The following SHISA9 variants were observed in gnomAD, a reference collection of about 807,000 sequenced individuals.
SHISA9 encodes the protein protein shisa-9.
A neutral mutation model predicts 38.0 loss-of-function variants in SHISA9; 13 were observed. The observed-to-expected ratio is 0.34, with a 90% CI of 0.22 to 0.54. SHISA9 has a LOEUF of 0.54. Ranked by LOEUF, SHISA9 falls within the 20% of genes least tolerant of loss-of-function variation. SHISA9 has a pLI of 0.91. For missense variants in SHISA9, 538 were observed against 575.8 expected (o/e 0.93, Z 0.67); for synonymous variants, 275 against 242.0 (o/e 1.14, Z -1.27).
intron 2 of SHISA9, among the ~76,000 whole-genome samples, chr16:13,156,361 A>T (rs889790601): frequency 6.6e-6 from 1 of 152,198 alleles, no homozygotes; most frequent in African/African-American, 2.4e-5. Flanking sequence ...GTGTTAGCCC[A>T]TTATTAATTG....
In SHISA9 at chr16:13,236,560, C is replaced by T. The variant is rs2051386645; in HGVS notation, c.*1151C>T. 2 of 152,242 alleles carry T rather than the reference C, an allele frequency of 1.3e-5. No individual in the cohort carries two copies. The highest frequency in any genetic ancestry group is 4.1e-4 in the South Asian group (2 of 4,820). 9.4% of individuals were successfully genotyped at this position (152,242 alleles called of 1,614,324 possible). On this transcript the variant is annotated 3_prime_UTR_variant, in exon 5 of 5. Transcript: ENST00000558583. The stretch of plus-strand genomic sequence containing the variant: ...GAAAATGTCATAAGCGTGGGTGGTG[C>T]CTTCAATGTGTTACTGTTGTTTAAT...
chr16:13,352,279 A>G, the SHISA9 span, among the ~76,000 whole-genome samples: 1 of 152,214 alleles, frequency 6.6e-6, no homozygotes. Context: ...AGAAATAAAA[A>G]TTAGCAAAAA....
intron 2 of SHISA9, among the ~76,000 whole-genome samples, chr16:13,178,034 C>A (rs1356142260): frequency 6.6e-6 from 1 of 152,096 alleles, no homozygotes; most frequent in Admixed American, 6.6e-5. Context: ...AGAGATATTT[C>A]AAAAATATTA....
In SHISA9 at chr16:13,195,014, C is replaced by T. The variant is rs189341934; in HGVS notation, c.692-8380C>T. ...CTTCATGCTTAGGTCAATATAGACACGGATAGTTGCTTCTGTAAATTTTTG... is the reference window on the plus strand; with the variant it reads ...CTTCATGCTTAGGTCAATATAGACATGGATAGTTGCTTCTGTAAATTTTTG... On this transcript the variant is annotated intron_variant, in intron 2 of 4. Transcript: ENST00000558583. Among the ~76,000 whole-genome samples, 217 of 152,232 alleles carry T rather than the reference C, an allele frequency of 1.4e-3. 1 individual carries two copies. Among genetic ancestry groups the T allele is most frequent in the African/African-American group, 4.8e-3 (198 of 41,544 alleles).
chr16:13,290,865 G>T, the SHISA9 span, among the ~76,000 whole-genome samples: 2 of 152,102 alleles, frequency 1.3e-5, no homozygotes, highest in Admixed American at 1.3e-4. Context: ...CATTTTACTC[G>T]CTTATAAACA....
intron 2 of SHISA9, among the ~76,000 whole-genome samples, chr16:13,011,067 C>T (rs34564081): frequency 0.21 from 31,208 of 152,086 alleles, 4,147 homozygotes; most frequent in Middle Eastern, 0.32. Flanking sequence ...GCACCTAATA[C>T]GGGCAGCAGT....
the SHISA9 span, among the ~76,000 whole-genome samples, chr16:13,362,967 G>GT: frequency 1.3e-5 from 2 of 152,090 alleles, no homozygotes; most frequent in Admixed American, 6.5e-5. Context: ...TATAATTAAG[G>GT]TTTTCACATC....
rs1484184812 is a variant in SHISA9 at position 13,067,497 on chromosome 16, A to G, written c.692-135897A>G. Among the ~76,000 whole-genome samples the G allele has an allele frequency of 3.9e-5, 6 of 152,132 alleles. No homozygotes were observed. The East Asian group carries it at 7.7e-4, about 20-fold the overall frequency. ...TCCCCTGCTGGACTTGCTTCCTTCT[A>G]TCTGTTCTCTTGGCCAAGGCCAATG... On this transcript the variant is annotated intron_variant, in intron 2 of 4. Coordinates refer to ENST00000558583, the MANE Select transcript of SHISA9 (RefSeq NM_001145204.3).
At chr16:13,184,120 C>T (rs1384908301) in intron 2 of SHISA9, among the ~76,000 whole-genome samples, 2 of 152,104 alleles carry the variant, frequency 1.3e-5, no homozygotes, top group African/African-American at 4.8e-5. Flanking sequence ...CAAGAACTCT[C>T]AGTCATAGTA....
intron 2 of SHISA9, among the ~76,000 whole-genome samples, chr16:13,033,772 C>A (rs1368418789): frequency 2.0e-5 from 3 of 152,172 alleles, no homozygotes; most frequent in Non-Finnish European, 1.5e-5. Flanking sequence ...CAACTTGCTC[C>A]AATAGGCCTC....
rs777827593 is a variant in SHISA9, at chr16:13,235,020, C to T, written c.896-10C>T. The T allele has an allele frequency of 8.5e-6, 13 of 1,534,124 alleles. No homozygotes were observed. The highest frequency in any genetic ancestry group is 2.0e-5 in the Admixed American group (1 of 49,770). ...CTTCCCCTTCTTCATCCACCCGTTC[C>T]GATGTGTAGCTGACAAGGTCAATGA... On this transcript the variant is annotated splice_polypyrimidine_tract_variant and intron_variant, in intron 4 of 4. Transcript: ENST00000558583.
the SHISA9 span, among the ~76,000 whole-genome samples, chr16:13,521,538 A>T: frequency 6.6e-6 from 1 of 152,224 alleles, no homozygotes; most frequent in Non-Finnish European, 1.5e-5. Context: ...TCACAATGAA[A>T]TCACCTGGGG....
At chr16:13,355,929 G>A in the SHISA9 span, among the ~76,000 whole-genome samples, 1 of 152,192 alleles carries the variant, frequency 6.6e-6, no homozygotes, top group Non-Finnish European at 1.5e-5. Context: ...GAGTTGAACA[G>A]TCCGATTTTC....
the SHISA9 span, among the ~76,000 whole-genome samples, chr16:13,265,278 T>G: frequency 8.7e-6 from 1 of 115,444 alleles, no homozygotes; most frequent in Non-Finnish European, 1.8e-5. Context: ...CATTCCCCTT[T>G]CCTTTCTTCT....
At chr16:12,923,673 A>T (rs111989647) in intron 2 of SHISA9, among the ~76,000 whole-genome samples, 3,029 of 152,078 alleles carry the variant, frequency 0.02, 51 homozygotes, top group Middle Eastern at 0.058. Context: ...ATAATAACAT[A>T]TTAAAAAATA....
the SHISA9 span, among the ~76,000 whole-genome samples, chr16:13,377,021 A>T: frequency 6.6e-6 from 1 of 152,202 alleles, no homozygotes; most frequent in Non-Finnish European, 1.5e-5. Context: ...CCTAAAGGAA[A>T]GTTAATGAGA....
chr16:13,129,712 A>C (rs1459298313), intron 2 of SHISA9, among the ~76,000 whole-genome samples: 1 of 152,164 alleles, frequency 6.6e-6, no homozygotes, highest in Non-Finnish European at 1.5e-5. Flanking sequence ...TGGTCTCTGC[A>C]AGAAAAGGAT....
At chr16:13,032,057 G>A (rs896009851) in intron 2 of SHISA9, among the ~76,000 whole-genome samples, 5 of 151,636 alleles carry the variant, frequency 3.3e-5, no homozygotes, top group African/African-American at 9.7e-5. Flanking sequence ...TGCAGAACAT[G>A]CAGGTTTGTT....
At chr16:13,401,575 T>A in the SHISA9 span, among the ~76,000 whole-genome samples, 1 of 151,924 alleles carries the variant, frequency 6.6e-6, no homozygotes, top group African/African-American at 2.4e-5. Flanking sequence ...CCCTAATCCT[T>A]TAGGGTTGGT....
Sources: allele counts gnomAD v4.1 joint callset (sites outside exome capture counted in the v4.1 genomes callset), GRCh38; gene constraint gnomAD v4.1.1; transcripts MANE v1.5; gene names NCBI Gene and HGNC (gene_info 2026-07-23, HGNC 2026-07-21).